Variants in NPLOC4 observed in about 807,000 individuals in gnomAD.
NPLOC4 encodes the protein nuclear protein localization protein 4 homolog.
NPLOC4 carries 18 observed loss-of-function variants against 80.6 expected under a neutral mutation model. The observed-to-expected ratio is 0.22, with a 90% CI of 0.15 to 0.33. The LOEUF (loss-of-function observed/expected upper bound fraction) is 0.33. NPLOC4 is among the 10% of genes least tolerant of loss of function. The pLI, the probability that NPLOC4 is intolerant of heterozygous loss-of-function variation, is 1.00. For synonymous variants in NPLOC4, 313 were observed against 301.5 expected, an observed-to-expected ratio of 1.04 and a Z score of -0.39; for missense variants, 540 against 786.1, an observed-to-expected ratio of 0.69 and a Z score of 3.74.
intron 3 of NPLOC4, among the ~76,000 whole-genome samples, chr17:81,618,412 T>TCCGCCCCGCAG (rs2035565520): frequency 6.7e-6 from 1 of 149,434 alleles, no homozygotes; most frequent in African/African-American, 2.5e-5. Flanking sequence ...GAGGAGCCCC[T>TCCGCCCCGCAG]CCGCCCCGCA....
chr17:81,617,051 C>G (rs2035513162), intron 3 of NPLOC4, among the ~76,000 whole-genome samples: 1 of 152,100 alleles, frequency 6.6e-6, no homozygotes, highest in African/African-American at 2.4e-5. Flanking sequence ...GGCAGGGATA[C>G]AAGTGGGGGC....
At chr17:81,613,830 T>C (rs1251975406) in intron 3 of NPLOC4, among the ~76,000 whole-genome samples, 1 of 152,012 alleles carries the variant, frequency 6.6e-6, no homozygotes, top group Non-Finnish European at 1.5e-5. Flanking sequence ...ACCCTCTGCT[T>C]GGCCCCCACC....
chr17:81,607,174 G>C (rs2035223618), intron 6 of NPLOC4, among the ~76,000 whole-genome samples: 1 of 152,084 alleles, frequency 6.6e-6, no homozygotes, highest in African/African-American at 2.4e-5. Context: ...GCTCCTACAG[G>C]TTTCATTAAA....
intron 2 of NPLOC4, among the ~76,000 whole-genome samples, chr17:81,625,709 C>T (rs943403236): frequency 3.3e-5 from 5 of 151,446 alleles, no homozygotes; most frequent in Admixed American, 6.6e-5. Flanking sequence ...CCAGCCTGAG[C>T]GACAGAGTGA....
chr17:81,595,781 C>T (rs1301347107), intron 11 of NPLOC4, among the ~76,000 whole-genome samples: 4 of 151,946 alleles, frequency 2.6e-5, no homozygotes, highest in Admixed American at 6.6e-5. Flanking sequence ...TGACCTCAAG[C>T]GATCCACTCA....
At chr17:81,622,899 A>G (rs1848334427) in intron 2 of NPLOC4, among the ~76,000 whole-genome samples, 2 of 151,972 alleles carry the variant, frequency 1.3e-5, no homozygotes, top group African/African-American at 4.8e-5. Context: ...TTCAATTGTA[A>G]AAACCCAATT....
intron 11 of NPLOC4, among the ~76,000 whole-genome samples, chr17:81,594,063 G>A (rs1052031559): frequency 3.9e-5 from 6 of 151,992 alleles, no homozygotes; most frequent in African/African-American, 1.2e-4. Flanking sequence ...CACGAGGTCA[G>A]GAGATCGAGA....
intron 6 of NPLOC4, among the ~76,000 whole-genome samples, chr17:81,607,852 A>G (rs2035246065): frequency 6.6e-6 from 1 of 152,214 alleles, no homozygotes; most frequent in Non-Finnish European, 1.5e-5. Context: ...GCAGGTTGTC[A>G]GAGAAAAGCT....
intron 8 of NPLOC4, among the ~76,000 whole-genome samples, chr17:81,602,857 T>G (rs533619217): frequency 1.9e-3 from 284 of 151,608 alleles, no homozygotes; most frequent in Middle Eastern, 3.4e-3. Flanking sequence ...CTGGGTAACA[T>G]GGCGAGATCT....
At chr17:81,576,201 A>G (rs1169133784) in intron 12 of NPLOC4, among the ~76,000 whole-genome samples, 1 of 152,262 alleles carries the variant, frequency 6.6e-6, no homozygotes, top group Non-Finnish European at 1.5e-5. Context: ...CTGTACCAGT[A>G]TCATGCATAA....
In NPLOC4 at chr17:81,559,283, C is replaced by T; in HGVS notation, c.1803G>A (p.Glu601=). The T allele has an allele frequency of 6.2e-7, 1 of 1,604,746 alleles. No homozygotes were observed. The highest frequency in any genetic ancestry group is 8.5e-7 in the Non-Finnish European group (1 of 1,176,168). The change falls in exon 17 of 17, where the codon GAG becomes GAA. Residue 601 remains glutamate (E), a synonymous_variant. Transcript: ENST00000331134. ...CCTAGGTCCTGGGGAGGCTGCACAT[C>T]TCGCAGTGGCCTGTGCCTGGCTGGT... ...FMNQPGTGHC[E]MCSLPRT is the part of the protein sequence containing the mutation.
chr17:81,625,201 T>A (rs1399668676), intron 2 of NPLOC4, among the ~76,000 whole-genome samples: 2 of 152,104 alleles, frequency 1.3e-5, no homozygotes, highest in African/African-American at 2.4e-5. Flanking sequence ...AGCTGAGAAT[T>A]CTAGATTGAG....
chr17:81,598,531 T>C (rs1347707949), intron 9 of NPLOC4, among the ~76,000 whole-genome samples: 1 of 152,186 alleles, frequency 6.6e-6, no homozygotes, highest in African/African-American at 2.4e-5. Flanking sequence ...GGTAATATAA[T>C]GCAGACTTCA....
At chr17:81,629,633 A>G in intron 2 of NPLOC4, 92 bp downstream of exon 2, 1 of 1,011,420 alleles carries the variant, frequency 9.9e-7, no homozygotes, top group Admixed American at 1.9e-5. Context: ...AATAGGGAAA[A>G]TAAGAAAACG....
At chr17:81,588,570 A>C (rs1397063575) in intron 12 of NPLOC4, among the ~76,000 whole-genome samples, 1 of 152,182 alleles carries the variant, frequency 6.6e-6, no homozygotes, top group Non-Finnish European at 1.5e-5. Flanking sequence ...CTGGTCTTGA[A>C]GTTCTGGACT....
chr17:81,579,860 T>G (rs1027854118), intron 12 of NPLOC4, among the ~76,000 whole-genome samples: 1 of 151,846 alleles, frequency 6.6e-6, no homozygotes, highest in Admixed American at 6.6e-5. Context: ...TGCAGCTTGC[T>G]GATGTGAGCT....
rs1568171171 is a variant in NPLOC4, at chr17:81,631,461, T to TCC, written c.16-1657_16-1656insGG. Among the ~76,000 whole-genome samples, 148 of 45,752 alleles carry TCC rather than the reference T, an allele frequency of 3.2e-3. 4 individuals are homozygous for TCC. Among genetic ancestry groups the TCC allele is most frequent in the African/African-American group, 0.013 (134 of 10,040 alleles). 30.0% of individuals were successfully genotyped at this position (45,752 alleles called of 152,430 possible). ...ATTTTTTTTTTTTTTTTTTTTTTTT[T>TCC]TCCCCCACGGCAAGCCTAAAAAGGT... On this transcript the variant is annotated intron_variant, in intron 1 of 16. Coordinates refer to ENST00000331134, the MANE Select transcript of NPLOC4 (RefSeq NM_017921.4).
chr17:81,587,956 T>C (rs566114500), intron 12 of NPLOC4: 1 of 152,194 alleles, frequency 6.6e-6, no homozygotes, highest in Non-Finnish European at 1.5e-5. Flanking sequence ...ATTACAGGCA[T>C]GAGCCGCCGC....
At chr17:81,559,741 T>TC (rs1267128892) in intron 16 of NPLOC4, among the ~76,000 whole-genome samples, 2 of 148,848 alleles carry the variant, frequency 1.3e-5, no homozygotes, top group African/African-American at 5.0e-5. Flanking sequence ...TTTTTTTTTT[T>TC]TTTTTTTCTG....
Sources: allele counts gnomAD v4.1 joint callset (sites outside exome capture counted in the v4.1 genomes callset), GRCh38; gene constraint gnomAD v4.1.1; transcripts MANE v1.5; gene names NCBI Gene and HGNC (gene_info 2026-07-23, HGNC 2026-07-21).